Variants in PAH observed in about 807,000 individuals in gnomAD.
PAH encodes the protein phenylalanine hydroxylase, also known as phenylalanine-4-hydroxylase.
Under a neutral mutation model 62.0 loss-of-function variants are expected in PAH, and 64 were observed. The ratio of observed to expected loss-of-function variants is 1.03; its 90% confidence interval spans 0.84 to 1.27. The LOEUF (loss-of-function observed/expected upper bound fraction) is 1.27, where lower values mean the gene tolerates loss of function less well. Among genes scored for constraint, PAH ranks in the 50% most tolerant of loss-of-function variants. The pLI is 0.00. For missense variants in PAH, 579 were observed against 542.8 expected (o/e 1.07, Z -0.66); for synonymous variants, 195 against 196.2 (o/e 0.99, Z 0.05).
chr12:102,865,819 C>CTTCCCTTGGTT (rs1875930737), intron 5 of PAH, among the ~76,000 whole-genome samples: 2 of 152,264 alleles, frequency 1.3e-5, no homozygotes, highest in Non-Finnish European at 2.9e-5. Context: ...TCATCTTCTC[C>CTTCCCTTGGTT]ATCTCCCTGA....
upstream of PAH, among the ~76,000 whole-genome samples, chr12:102,954,470 C>T (rs972209869): frequency 9.2e-5 from 14 of 152,140 alleles, no homozygotes; most frequent in Non-Finnish European, 1.5e-5. Flanking sequence ...GGCTAGAGTG[C>T]TCTACATACA....
intron 1 of PAH, among the ~76,000 whole-genome samples, chr12:102,928,916 T>A (rs887472206): frequency 2.0e-5 from 3 of 152,182 alleles, no homozygotes; most frequent in African/African-American, 4.8e-5. Context: ...CCTGAGTTTA[T>A]GTTTCTTTTA....
intron 8 of PAH, among the ~76,000 whole-genome samples, chr12:102,849,823 G>A (rs940527): frequency 0.36 from 55,327 of 152,020 alleles, 10,723 homozygotes; most frequent in Non-Finnish European, 0.43. Flanking sequence ...ACTCCATCCT[G>A]TACTGTAGTG....
chr12:102,942,905 A>T (rs1230632835), intron 1 of PAH, among the ~76,000 whole-genome samples: 8 of 152,152 alleles, frequency 5.3e-5, no homozygotes. Flanking sequence ...CACCATATAC[A>T]AAAGTCAACT....
At chr12:102,856,339 C>T (rs1875428767) in intron 5 of PAH, among the ~76,000 whole-genome samples, 1 of 152,164 alleles carries the variant, frequency 6.6e-6, no homozygotes. Context: ...GTCCGGGAAG[C>T]TCAAACTGGG....
chr12:102,942,812 G>GGGAAGGGAATGAGTA (rs1441411619), intron 1 of PAH, among the ~76,000 whole-genome samples: 1 of 152,108 alleles, frequency 6.6e-6, no homozygotes, highest in East Asian at 1.9e-4. Context: ...ATAAGCAATT[G>GGGAAGGGAATGAGTA]GGAAGGGAAT....
chr12:102,878,822 T>C (rs965400067), intron 3 of PAH, among the ~76,000 whole-genome samples: 9 of 152,170 alleles, frequency 5.9e-5, no homozygotes, highest in African/African-American at 2.2e-4. Flanking sequence ...TTGCTATTTC[T>C]GACGTACCTT....
In PAH at chr12:102,855,176, ATC is replaced by A. The variant is rs62514936; in HGVS notation, c.664_665del (p.Asp222Ter). The A allele has an allele frequency of 3.0e-5, 49 of 1,614,072 alleles. No individual in the cohort carries two copies. The highest frequency in any genetic ancestry group is 3.8e-5 in the Non-Finnish European group (45 of 1,180,018). ...AAACGTCTTCCAGCTGGGGAATGTT[ATC>A]TTCATGGAAGCCACAGTACTTTTCA... The part of the protein sequence containing the change: ...LLEKYCGFHE[D>X]NIPQLEDVSQ... On this transcript the variant is annotated frameshift_variant, in exon 6 of 13. Transcript: ENST00000553106. LOFTEE classifies it high-confidence loss of function.
At position 102,858,757 on chromosome 12, in the gene PAH, G is replaced by A. The variant is rs140541365; in HGVS notation, c.510-3425C>T. Among the ~76,000 whole-genome samples, 910 of 152,324 alleles carry A rather than the reference G, an allele frequency of 6.0e-3. 14 individuals are homozygous for A. Among genetic ancestry groups the A allele is most frequent in the East Asian group, 0.028 (143 of 5,186 alleles). The stretch of plus-strand genomic sequence containing the variant: ...ATAACGAAATGAAGGCAGAGATAAA[G>A]ACGTTCTTTGAAACCAATGAGAACA... On this transcript the variant is annotated intron_variant, in intron 5 of 12. Transcript: ENST00000553106.
Position 102,957,613 on chromosome 12 carries a change from G to T in PAH, c.-96+582C>A, listed in dbSNP as rs1359039350. The T allele has an allele frequency of 6.6e-6, 1 of 152,006 alleles. No individual in the cohort carries two copies. Among genetic ancestry groups the T allele is most frequent in the East Asian group, 2.0e-4 (1 of 5,128 alleles). 9.4% of individuals were successfully genotyped at this position (152,006 alleles called of 1,614,324 possible). On this transcript the variant is annotated intron_variant, in intron 1 of 4. Coordinates refer to the PAH transcript ENST00000551337. The surrounding 1 kb of genome is among the most constrained non-coding windows in gnomAD (Gnocchi z 4.1). ...CAGCGGGGAGTGGGGGGCGAGGCGG[G>T]GCCAGGGCTGCGCGTGGGGCTGGGT...
chr12:102,940,622 G>GA, intron 1 of PAH, among the ~76,000 whole-genome samples: 1 of 152,102 alleles, frequency 6.6e-6, no homozygotes, highest in Non-Finnish European at 1.5e-5. Flanking sequence ...CAAAAATAAG[G>GA]AAAAACAAAA....
intron 3 of PAH, among the ~76,000 whole-genome samples, chr12:102,878,585 A>G (rs1335619474): frequency 6.6e-6 from 1 of 150,386 alleles, no homozygotes; most frequent in Non-Finnish European, 1.5e-5. Context: ...GGCAGAAACC[A>G]TGGGTACTTT....
intron 4 of PAH, among the ~76,000 whole-genome samples, chr12:102,867,493 G>A (rs1002734605): frequency 7.9e-5 from 12 of 152,150 alleles, no homozygotes; most frequent in East Asian, 1.9e-4. Flanking sequence ...CTGATTGAAA[G>A]ACAATTTTCC....
chr12:102,858,082 T>C (rs928904949), intron 5 of PAH, among the ~76,000 whole-genome samples: 1 of 152,082 alleles, frequency 6.6e-6, no homozygotes, highest in Non-Finnish European at 1.5e-5. Context: ...AGGAGACCCA[T>C]CTCACGTGCA....
intron 2 of PAH, among the ~76,000 whole-genome samples, chr12:102,908,464 T>C (rs971335199): frequency 6.6e-6 from 1 of 152,236 alleles, no homozygotes; most frequent in Non-Finnish European, 1.5e-5. Flanking sequence ...TTCTTTCTCA[T>C]GGACAGTTTG....
At chr12:102,897,465 G>GTGTATATATATATA (rs1491228677) in intron 2 of PAH, among the ~76,000 whole-genome samples, 1 of 93,970 alleles carries the variant, frequency 1.1e-5, no homozygotes, top group South Asian at 3.1e-4. Flanking sequence ...GTGTGTGTGT[G>GTGTATATATATATA]TATATATATA....
At chr12:102,860,153 G>A (rs978556398) in intron 5 of PAH, among the ~76,000 whole-genome samples, 2 of 152,110 alleles carry the variant, frequency 1.3e-5, no homozygotes, top group East Asian at 1.9e-4. Flanking sequence ...AAATCAATGT[G>A]CAAAAATCAC....
chr12:102,947,932 A>G (rs2136771868), intron 1 of PAH, among the ~76,000 whole-genome samples: 1 of 152,284 alleles, frequency 6.6e-6, no homozygotes, highest in South Asian at 2.1e-4. Context: ...CAGCTCCAAG[A>G]CAGGTAGAGA....
chr12:102,846,872 AC>A, intron 9 of PAH, 22 bp downstream of exon 9: 2 of 1,605,866 alleles, frequency 1.2e-6, no homozygotes, highest in Non-Finnish European at 1.7e-6. Context: ...TCCACCATCC[AC>A]CCAGGGAGAG....
Sources: gnomAD v4.1 joint callset for allele counts (sites outside exome capture counted in the v4.1 genomes callset) on GRCh38, gnomAD v4.1.1 for gene constraint, Gnocchi (gnomAD v3.1) non-coding constraint, MANE v1.5 for transcripts, NCBI Gene and HGNC (gene_info 2026-07-23, HGNC 2026-07-21) for gene names.